Variants in NDUFA9 observed in about 807,000 individuals in gnomAD.
NDUFA9 encodes the protein NADH dehydrogenase [ubiquinone] 1 alpha subcomplex subunit 9, mitochondrial.
In NDUFA9, 23 loss-of-function variants were observed where a neutral mutation model predicts 45.9. That is an observed-to-expected ratio of 0.50 (90% CI 0.36 to 0.71). NDUFA9 has a LOEUF of 0.71. Ranked by LOEUF, NDUFA9 falls within the 30% of genes least tolerant of loss-of-function variation. NDUFA9 has a pLI of 0.00. For synonymous variants in NDUFA9, 176 were observed against 170.5 expected (o/e 1.03, Z -0.25); for missense variants, 466 against 488.2 (o/e 0.95, Z 0.43).
rs547333615 is a variant in NDUFA9 at position 4,653,768 on chromosome 12, T to C, written c.50-524T>C. The C allele has an allele frequency of 4.0e-4, 134 of 337,990 alleles. 1 individual carries two copies. The highest frequency in any genetic ancestry group is 1.7e-3 in the Middle Eastern group (2 of 1,178). The allele number at this position is 337,990 out of a possible 1,614,324, so 20.9% of individuals were successfully genotyped here. The stretch of plus-strand genomic sequence containing the variant: ...CTGCTTCCGACCAGTATCATCAACC[T>C]TATTTTTCATTAGTCACCAGTTTCA... On this transcript the variant is annotated intron_variant, in intron 1 of 10. Transcript: ENST00000266544.
chr12:4,659,795 A>G (rs979572366), intron 5 of NDUFA9, among the ~76,000 whole-genome samples: 3 of 152,174 alleles, frequency 2.0e-5, no homozygotes, highest in African/African-American at 4.8e-5. Flanking sequence ...ATTCTGCCAT[A>G]TGGAAGCCTG....
intron 8 of NDUFA9, among the ~76,000 whole-genome samples, chr12:4,681,477 A>G (rs1045303901): frequency 6.6e-6 from 1 of 151,366 alleles, no homozygotes; most frequent in Non-Finnish European, 1.5e-5. Context: ...TAATAATTAA[A>G]ACATGAGATA....
chr12:4,678,689 T>G (rs1249817805), intron 8 of NDUFA9, among the ~76,000 whole-genome samples: 1 of 152,076 alleles, frequency 6.6e-6, no homozygotes, highest in Non-Finnish European at 1.5e-5. Context: ...AAAAAACATA[T>G]GAAAAGATGC....
intron 7 of NDUFA9, chr12:4,668,808 C>A: frequency 2.6e-6 from 1 of 378,856 alleles, no homozygotes; most frequent in South Asian, 3.4e-5. Context: ...AATTGCTGTT[C>A]TCAAATTGCT....
At chr12:4,670,337 A>C (rs1378127511) in intron 8 of NDUFA9, among the ~76,000 whole-genome samples, 1 of 152,210 alleles carries the variant, frequency 6.6e-6, no homozygotes, top group Non-Finnish European at 1.5e-5. Flanking sequence ...AAATTACTAA[A>C]TCATGTGACA....
At chr12:4,660,178 G>A (rs776802702) in intron 5 of NDUFA9, among the ~76,000 whole-genome samples, 22 of 152,134 alleles carry the variant, frequency 1.4e-4, no homozygotes, top group Admixed American at 5.2e-4. Flanking sequence ...GTGAGTCTTA[G>A]CCTTAGTTGC....
chr12:4,665,441 T>G (rs899350213), intron 6 of NDUFA9, among the ~76,000 whole-genome samples: 1 of 152,236 alleles, frequency 6.6e-6, no homozygotes, highest in African/African-American at 2.4e-5. Context: ...TGAATAATAT[T>G]CTGTGATATG....
At position 4,677,950 on chromosome 12, in the gene NDUFA9, A is replaced by G. The variant is rs11063293; in HGVS notation, c.801-4255A>G. On this transcript the variant is annotated intron_variant, in intron 8 of 10. Transcript: ENST00000266544. ...TGCCACATATACACCATGGAATACT[A>G]TGCAGCCAGTATACAGAAAAGGATG... Among the ~76,000 whole-genome samples, 314 of 152,340 alleles carry G rather than the reference A, an allele frequency of 2.1e-3. 10 individuals are homozygous for G. In the East Asian group the frequency reaches 0.05, roughly 24 times the overall value.
chr12:4,657,617 T>G, intron 3 of NDUFA9, 131 bp from the exon 4 acceptor site: 1 of 661,912 alleles, frequency 1.5e-6, no homozygotes, highest in Non-Finnish European at 2.7e-6. Context: ...AAATGGAGCT[T>G]GGATGAAATG....
chr12:4,659,072 C>T lies in NDUFA9; in HGVS notation c.447C>T (p.Pro149=), dbSNP rs768933021. 11 of 1,612,942 alleles carry T rather than the reference C, an allele frequency of 6.8e-6. No individual in the cohort carries two copies. The highest frequency in any genetic ancestry group is 1.7e-4 in the Middle Eastern group (1 of 6,038). ...FDFEDVFVKI[P]QAIAQLSKEA... is the part of the protein sequence containing the mutation. The stretch of plus-strand genomic sequence containing the variant: ...TTGAGGATGTTTTTGTGAAGATTCC[C>T]CAAGCAATTGCTCAACTGTCCAAGG... The change falls in exon 5 of 11, where the codon CCC becomes CCT. Residue 149 remains proline (P), a synonymous_variant. Transcript: ENST00000266544.
rs1238739049 is a variant in NDUFA9, at chr12:4,692,000, T to C, written c.*4892T>C. The C allele has an allele frequency of 6.6e-6, 1 of 152,206 alleles. No individual in the cohort carries two copies. 9.4% of individuals were successfully genotyped at this position (152,206 alleles called of 1,614,324 possible). A position where few individuals can be genotyped will look rare whatever the true frequency, so the allele number is the denominator to read the frequency against. On this transcript the variant is annotated 3_prime_UTR_variant, in exon 11 of 11. Coordinates refer to ENST00000266544, the MANE Select transcript of NDUFA9 (RefSeq NM_005002.5). Reference sequence around the variant, plus strand: ...CCTTTTGAGGTTACATTTCAGAGAATGGTTCCCCTGGGTCCTTGAGAAAGA... The same window carrying C: ...CCTTTTGAGGTTACATTTCAGAGAACGGTTCCCCTGGGTCCTTGAGAAAGA...
At chr12:4,673,304 C>A (rs1450714242) in intron 8 of NDUFA9, among the ~76,000 whole-genome samples, 2 of 152,136 alleles carry the variant, frequency 1.3e-5, no homozygotes, top group Non-Finnish European at 2.9e-5. Flanking sequence ...AACCAGAAAG[C>A]CTCTTTTCCT....
intron 5 of NDUFA9, among the ~76,000 whole-genome samples, chr12:4,660,724 G>A (rs1945818563): frequency 2.6e-5 from 4 of 152,102 alleles, no homozygotes; most frequent in Admixed American, 2.0e-4. Context: ...CAGTCTCACA[G>A]GAGGAAGTGA....
At position 4,690,714 on chromosome 12, in the gene NDUFA9, A is replaced by G. The variant is rs192226484; in HGVS notation, c.*3606A>G. ...GACAGAGGGAGACTCTGTCTAAAAT[A>G]AATAATAATAATAATAATAATAAAG... is the stretch of plus-strand genomic sequence containing the variant. On this transcript the variant is annotated 3_prime_UTR_variant, in exon 11 of 11. Transcript: ENST00000266544. The G allele has an allele frequency of 3.6e-4, 55 of 151,722 alleles. No homozygotes were observed. Among genetic ancestry groups the G allele is most frequent in the African/African-American group, 1.2e-3 (50 of 41,376 alleles). The allele number at this position is 151,722 out of a possible 1,614,324, so 9.4% of individuals were successfully genotyped here.
intron 3 of NDUFA9, among the ~76,000 whole-genome samples, chr12:4,656,817 C>T (rs531544201): frequency 6.6e-6 from 1 of 152,312 alleles, no homozygotes; most frequent in South Asian, 2.1e-4. Context: ...TAGTATATGG[C>T]AAACTGGGAT....
rs567592303 is a variant in NDUFA9, at chr12:4,687,899, G to A, written c.*791G>A. The A allele has an allele frequency of 6.6e-5, 10 of 152,342 alleles. No homozygotes were observed. Among genetic ancestry groups the A allele is most frequent in the African/African-American group, 2.2e-4 (9 of 41,572 alleles). The allele number at this position is 152,342 out of a possible 1,614,324, so 9.4% of individuals were successfully genotyped here. ...ATTTAAAACTCCCACAATTTGTGGT[G>A]AAGCCAACATACCACCATCCTAGGT... is the stretch of plus-strand genomic sequence containing the variant. On this transcript the variant is annotated 3_prime_UTR_variant, in exon 11 of 11. Coordinates refer to ENST00000266544, the MANE Select transcript of NDUFA9 (RefSeq NM_005002.5).
In NDUFA9 at chr12:4,654,811, C is replaced by T; in HGVS notation, c.221-14C>T. 1 of 1,573,888 alleles carries T rather than the reference C, an allele frequency of 6.4e-7. No individual in the cohort carries two copies. Among genetic ancestry groups the T allele is most frequent in the South Asian group, 1.2e-5 (1 of 85,916 alleles). On this transcript the variant is annotated splice_polypyrimidine_tract_variant and intron_variant, in intron 2 of 10. Transcript: ENST00000266544. ...TGTTAATGTTGATCCTTTTTTCAATCCATTCTCTTTTAGGACGCATGGGGT... is the reference window on the plus strand; with the variant it reads ...TGTTAATGTTGATCCTTTTTTCAATTCATTCTCTTTTAGGACGCATGGGGT...
In NDUFA9 at chr12:4,670,211, C is replaced by T. The variant is rs775990409; in HGVS notation, c.800+394C>T. 9.9e-5 allele frequency among the ~76,000 whole-genome samples: 15 copies of T among 152,072 alleles called. 1 individual carries two copies. Among genetic ancestry groups the T allele is most frequent in the Non-Finnish European group, 2.2e-4 (15 of 68,008 alleles). ...CACAATGCCTCCAGAGGCTGAAAAA[C>T]GGGTGGTTTATAGCACAATTACTAG... On this transcript the variant is annotated intron_variant, in intron 8 of 10. Coordinates refer to ENST00000266544, the MANE Select transcript of NDUFA9 (RefSeq NM_005002.5).
Position 4,687,005 on chromosome 12 carries a change from C to A in NDUFA9, c.1031C>A (p.Pro344Gln), listed in dbSNP as rs1346511592. ...GAAGACCTTGGTATTCAGGCAACAC[C>A]ACTGGAACTCAAGGCCATTGAGGTG... ...GLEDLGIQAT[P>Q]LELKAIEVLR... Residue 344 changes from proline to glutamine, a missense_variant, in exon 11 of 11, where the codon CCA becomes CAA. Pro to Gln is a moderately conservative substitution (Grantham distance 76). Coordinates refer to ENST00000266544, the MANE Select transcript of NDUFA9 (RefSeq NM_005002.5). The A allele has an allele frequency of 6.2e-7, 1 of 1,614,060 alleles. No individual in the cohort carries two copies. The highest frequency in any genetic ancestry group is 8.5e-7 in the Non-Finnish European group (1 of 1,180,046).
Sources: gnomAD v4.1 joint callset for allele counts (sites outside exome capture counted in the v4.1 genomes callset) on GRCh38, gnomAD v4.1.1 for gene constraint, MANE v1.5 for transcripts, NCBI Gene and HGNC (gene_info 2026-07-23, HGNC 2026-07-21) for gene names.